The following TMEM135 variants were observed in gnomAD, a reference collection of about 807,000 sequenced individuals.
The protein encoded by TMEM135 is peroxisomal membrane protein 52.
A neutral mutation model predicts 60.3 loss-of-function variants in TMEM135; 30 were observed. The observed-to-expected ratio is 0.50, with a 90% CI of 0.37 to 0.68. TMEM135 has a LOEUF of 0.68. TMEM135 is among the 30% of genes least tolerant of loss of function. The pLI is 0.00. For missense variants in TMEM135, 468 were observed against 548.8 expected (o/e 0.85, Z 1.47); for synonymous variants, 190 against 186.7 (o/e 1.02, Z -0.14).
intron 5 of TMEM135, among the ~76,000 whole-genome samples, chr11:87,174,615 A>G (rs1939322993): frequency 6.6e-6 from 1 of 152,132 alleles, no homozygotes; most frequent in Non-Finnish European, 1.5e-5. Context: ...GAATCTTGAG[A>G]AAAAGGAAAG....
At chr11:87,170,643 C>T (rs919405781) in intron 5 of TMEM135, among the ~76,000 whole-genome samples, 3 of 152,140 alleles carry the variant, frequency 2.0e-5, no homozygotes, top group African/African-American at 4.8e-5. Flanking sequence ...AAGATTGCTG[C>T]GTGTTCCTTC....
intron 7 of TMEM135, among the ~76,000 whole-genome samples, chr11:87,298,961 G>A (rs190987274): frequency 6.6e-6 from 1 of 151,614 alleles, no homozygotes; most frequent in Non-Finnish European, 1.5e-5. Context: ...GGTGATGGGC[G>A]CCTGTAATCC....
intron 4 of TMEM135, among the ~76,000 whole-genome samples, chr11:87,131,361 T>C (rs1310300058): frequency 6.6e-6 from 1 of 152,166 alleles, no homozygotes; most frequent in Non-Finnish European, 1.5e-5. Flanking sequence ...AGCCACTTTT[T>C]ACTGTCTCTA....
At chr11:87,281,606 A>G (rs1000578538) in intron 6 of TMEM135, among the ~76,000 whole-genome samples, 3 of 152,246 alleles carry the variant, frequency 2.0e-5, no homozygotes, top group Non-Finnish European at 2.9e-5. Flanking sequence ...CAACAATTAT[A>G]TACTTGGCGT....
intron 4 of TMEM135, among the ~76,000 whole-genome samples, chr11:87,120,110 C>CTTTT (rs770897413): frequency 0.034 from 4,418 of 129,274 alleles, 330 homozygotes; most frequent in African/African-American, 0.088. Context: ...TTTTTTTCTT[C>CTTTT]TTCTTCTTTT....
chr11:87,169,761 A>T (rs1406450899), intron 5 of TMEM135, among the ~76,000 whole-genome samples: 1 of 152,092 alleles, frequency 6.6e-6, no homozygotes, highest in Non-Finnish European at 1.5e-5. Context: ...ACCTTGGTGA[A>T]TCTGACAATT....
At chr11:87,194,417 A>T (rs1363449177) in intron 5 of TMEM135, among the ~76,000 whole-genome samples, 1 of 152,174 alleles carries the variant, frequency 6.6e-6, no homozygotes, top group Non-Finnish European at 1.5e-5. Flanking sequence ...GTGGGCAAAG[A>T]CTTTTGAAAT....
At chr11:87,158,877 C>T (rs72953854) in intron 5 of TMEM135, among the ~76,000 whole-genome samples, 133 of 152,262 alleles carry the variant, frequency 8.7e-4, no homozygotes, top group Non-Finnish European at 1.6e-3. Flanking sequence ...AGAAAACTTA[C>T]AGCAATAAGG....
chr11:87,110,240 A>G (rs942974925), intron 4 of TMEM135, among the ~76,000 whole-genome samples: 4 of 152,168 alleles, frequency 2.6e-5, no homozygotes, highest in Non-Finnish European at 4.4e-5. Context: ...TTCCAACTCA[A>G]ATTACCAAAA....
At chr11:87,133,037 T>C (rs1937982273) in intron 4 of TMEM135, among the ~76,000 whole-genome samples, 1 of 152,184 alleles carries the variant, frequency 6.6e-6, no homozygotes, top group Non-Finnish European at 1.5e-5. Flanking sequence ...AAGGGCTAAG[T>C]GCTAACTGGT....
intron 2 of TMEM135, among the ~76,000 whole-genome samples, chr11:87,069,564 A>G (rs1400291581): frequency 6.6e-6 from 1 of 152,188 alleles, no homozygotes; most frequent in Non-Finnish European, 1.5e-5. Flanking sequence ...GTAAAAGCAC[A>G]TTTGAGAAAT....
At chr11:87,202,990 G>T (rs970740787) in intron 5 of TMEM135, among the ~76,000 whole-genome samples, 1 of 129,362 alleles carries the variant, frequency 7.7e-6, no homozygotes, top group African/African-American at 3.0e-5. Flanking sequence ...CCGAGATCAT[G>T]CCACTGCACT....
intron 5 of TMEM135, among the ~76,000 whole-genome samples, chr11:87,175,746 C>T (rs1013952433): frequency 1.3e-5 from 2 of 152,048 alleles, no homozygotes; most frequent in Non-Finnish European, 2.9e-5. Context: ...TAAGGCTGTA[C>T]CTCCGCTACA....
intron 3 of TMEM135, among the ~76,000 whole-genome samples, chr11:87,073,399 G>C (rs1482453272): frequency 6.6e-6 from 1 of 152,120 alleles, no homozygotes; most frequent in Non-Finnish European, 1.5e-5. Flanking sequence ...TTCTCTGTTT[G>C]ATTATATCAA....
At chr11:87,143,088 A>G (rs1433594629) in intron 4 of TMEM135, among the ~76,000 whole-genome samples, 1 of 151,780 alleles carries the variant, frequency 6.6e-6, no homozygotes, top group Non-Finnish European at 1.5e-5. Flanking sequence ...TGCCATCTCA[A>G]CTATTCTGTT....
At chr11:87,102,641 T>C (rs1429329897) in intron 4 of TMEM135, among the ~76,000 whole-genome samples, 4 of 150,176 alleles carry the variant, frequency 2.7e-5, no homozygotes, top group Non-Finnish European at 5.9e-5. Flanking sequence ...CAAGTCATAA[T>C]TGTATACATC....
intron 5 of TMEM135, among the ~76,000 whole-genome samples, chr11:87,230,957 G>A (rs1017496753): frequency 6.6e-6 from 1 of 152,028 alleles, no homozygotes; most frequent in Non-Finnish European, 1.5e-5. Flanking sequence ...GAGAGTGGAA[G>A]CAACTTGATC....
intron 5 of TMEM135, among the ~76,000 whole-genome samples, chr11:87,191,525 G>A (rs1334646624): frequency 6.6e-6 from 1 of 152,162 alleles, no homozygotes; most frequent in East Asian, 1.9e-4. Flanking sequence ...ACAAGTGTGA[G>A]CCACCATTCT....
intron 3 of TMEM135, among the ~76,000 whole-genome samples, chr11:87,078,366 A>C (rs1229804628): frequency 1.3e-5 from 2 of 152,178 alleles, no homozygotes; most frequent in African/African-American, 4.8e-5. Flanking sequence ...GATCATTTAC[A>C]TATCTTCTTT....
Sources: allele counts gnomAD v4.1 joint callset (sites outside exome capture counted in the v4.1 genomes callset), GRCh38; gene constraint gnomAD v4.1.1; transcripts MANE v1.5; gene names NCBI Gene and HGNC (gene_info 2026-07-23, HGNC 2026-07-21).